Variants in MMP26 observed in about 807,000 individuals in gnomAD.
MMP26 encodes matrix metalloproteinase-26.
A neutral mutation model predicts 31.0 loss-of-function variants in MMP26; 33 were observed. The observed-to-expected ratio is 1.06, with a 90% CI of 0.81 to 1.42. The LOEUF is 1.42. MMP26 is among the 40% of genes most tolerant of loss of function. The pLI, the probability that MMP26 is intolerant of heterozygous loss-of-function variation, is 0.00. For missense variants in MMP26, 347 were observed against 316.1 expected, an observed-to-expected ratio of 1.10 and a Z score of -0.74; for synonymous variants, 122 against 114.9, an observed-to-expected ratio of 1.06 and a Z score of -0.40.
chr11:4,960,436 T>G (rs1846505411), intron 2 of MMP26, among the ~76,000 whole-genome samples: 1 of 151,938 alleles, frequency 6.6e-6, no homozygotes, highest in Non-Finnish European at 1.5e-5. Context: ...AGACCTGCTC[T>G]CTGCCCAGTC....
intron 2 of MMP26, among the ~76,000 whole-genome samples, chr11:4,871,024 A>G (rs1317963072): frequency 6.6e-6 from 1 of 152,118 alleles, no homozygotes; most frequent in Non-Finnish European, 1.5e-5. Flanking sequence ...AATAATAAAG[A>G]GTATAAATTA....
At chr11:4,810,175 C>T (rs1284054502) in intron 2 of MMP26, among the ~76,000 whole-genome samples, 1 of 151,742 alleles carries the variant, frequency 6.6e-6, no homozygotes, top group East Asian at 1.9e-4. Flanking sequence ...GATTTGAATG[C>T]TTGTGCAAAA....
intron 2 of MMP26, among the ~76,000 whole-genome samples, chr11:4,795,484 T>C (rs995861945): frequency 3.9e-5 from 6 of 152,322 alleles, no homozygotes; most frequent in African/African-American, 1.4e-4. Flanking sequence ...ACGTATCATA[T>C]GTAAATCAAC....
At chr11:4,874,565 GGTGT>G (rs35692032) in intron 2 of MMP26, among the ~76,000 whole-genome samples, 6 of 149,052 alleles carry the variant, frequency 4.0e-5, no homozygotes, top group Non-Finnish European at 7.4e-5. Context: ...GTGGTGTGTT[GGTGT>G]GTGTGTGTGT....
intron 2 of MMP26, among the ~76,000 whole-genome samples, chr11:4,918,634 G>A (rs1851134556): frequency 6.6e-6 from 1 of 152,132 alleles, no homozygotes; most frequent in Non-Finnish European, 1.5e-5. Context: ...GTTTTGGTAA[G>A]GACTTCATTG....
chr11:4,740,062 G>T (rs1848291918), intron 1 of MMP26, among the ~76,000 whole-genome samples: 1 of 152,112 alleles, frequency 6.6e-6, no homozygotes, highest in Admixed American at 6.6e-5. Context: ...ATTATGAAGT[G>T]ATTCTTGTTC....
chr11:4,745,891 G>T lies in MMP26; in HGVS notation c.-216-21379G>T, dbSNP rs139116573. ...TCCTTTCAAAATGTTTTTCCACCTA[G>T]TAGTAAGTATTTAAGTTTCTTTAAT... On this transcript the variant is annotated intron_variant, in intron 1 of 7. Transcript: ENST00000380390. Among the ~76,000 whole-genome samples the T allele has an allele frequency of 3.1e-3, 467 of 152,234 alleles. 3 individuals carry two copies. Among genetic ancestry groups the T allele is most frequent in the African/African-American group, 9.7e-3 (402 of 41,538 alleles).
intron 2 of MMP26, among the ~76,000 whole-genome samples, chr11:4,771,239 A>T (rs116001044): frequency 0.015 from 2,297 of 152,338 alleles, 68 homozygotes; most frequent in African/African-American, 0.052. Context: ...ATTGATCTAT[A>T]AAAGTCCTTA....
At chr11:4,987,441 C>T (rs577461561) in intron 2 of MMP26, among the ~76,000 whole-genome samples, 22 of 150,158 alleles carry the variant, frequency 1.5e-4, no homozygotes, top group African/African-American at 5.4e-4. Context: ...GTTTTTGAGA[C>T]GGAGTCTCCC....
At chr11:4,944,430 C>T in intron 2 of MMP26, 1 of 160,678 alleles carries the variant, frequency 6.2e-6, no homozygotes, top group Non-Finnish European at 1.4e-5. Flanking sequence ...TTTAAAATGC[C>T]TAAAAAGACC....
intron 2 of MMP26, among the ~76,000 whole-genome samples, chr11:4,855,353 A>G (rs527632486): frequency 6.6e-6 from 1 of 152,332 alleles, no homozygotes; most frequent in East Asian, 1.9e-4. Context: ...TAACTAGGAT[A>G]AACAGCATAG....
At chr11:4,742,156 C>T (rs987236435) in intron 1 of MMP26, among the ~76,000 whole-genome samples, 3 of 152,186 alleles carry the variant, frequency 2.0e-5, no homozygotes, top group Non-Finnish European at 4.4e-5. Flanking sequence ...CAGACAGATA[C>T]ATTCAGTAAT....
At chr11:4,872,661 C>G (rs1850326873) in intron 2 of MMP26, among the ~76,000 whole-genome samples, 1 of 151,974 alleles carries the variant, frequency 6.6e-6, no homozygotes, top group South Asian at 2.1e-4. Flanking sequence ...TATGCTCATG[C>G]CTGTTCCTCA....
At chr11:4,864,453 A>T (rs920051167) in intron 2 of MMP26, among the ~76,000 whole-genome samples, 2 of 152,154 alleles carry the variant, frequency 1.3e-5, no homozygotes, top group Non-Finnish European at 2.9e-5. Flanking sequence ...AGAAAACAAA[A>T]GTCAGATATA....
At chr11:4,909,800 C>T (rs1450694963) in intron 2 of MMP26, among the ~76,000 whole-genome samples, 2 of 152,102 alleles carry the variant, frequency 1.3e-5, no homozygotes, top group Non-Finnish European at 2.9e-5. Flanking sequence ...CAGTAACTTA[C>T]AAGATAATGG....
At chr11:4,808,010 TA>T (rs1849301076) in intron 2 of MMP26, among the ~76,000 whole-genome samples, 1 of 152,118 alleles carries the variant, frequency 6.6e-6, no homozygotes, top group African/African-American at 2.4e-5. Context: ...CTCACTATGT[TA>T]CCCAAGCGTG....
chr11:4,980,668 A>G (rs193249098), intron 2 of MMP26, among the ~76,000 whole-genome samples: 10 of 152,256 alleles, frequency 6.6e-5, no homozygotes, highest in South Asian at 2.1e-4. Context: ...AGAATTATAC[A>G]TGTTATTTCT....
chr11:4,915,525 T>A lies in MMP26; in HGVS notation c.-144-72543T>A, dbSNP rs764296220. ...TTAATGATAAAAAGAATTGTGCAGTTGCCCGGGATGGAAACCAGATACATG... is the reference window on the plus strand; with the variant it reads ...TTAATGATAAAAAGAATTGTGCAGTAGCCCGGGATGGAAACCAGATACATG... On this transcript the variant is annotated intron_variant, in intron 2 of 7. Coordinates refer to ENST00000380390, the MANE Select transcript of MMP26 (RefSeq NM_021801.5). 6.2e-6 allele frequency: 10 copies of A among 1,614,080 alleles called. No homozygotes were observed. In the South Asian group the frequency reaches 1.1e-4, roughly 18 times the overall value.
chr11:4,759,633 G>A (rs1468112195), intron 1 of MMP26, among the ~76,000 whole-genome samples: 1 of 152,050 alleles, frequency 6.6e-6, no homozygotes, highest in Non-Finnish European at 1.5e-5. Flanking sequence ...TTAGAAACTG[G>A]CCTTATTCCT....
Sources: gnomAD v4.1 joint callset for allele counts (sites outside exome capture counted in the v4.1 genomes callset) on GRCh38, gnomAD v4.1.1 for gene constraint, MANE v1.5 for transcripts, NCBI Gene and HGNC (gene_info 2026-07-23, HGNC 2026-07-21) for gene names.